Variants in PKD1 observed in about 807,000 individuals in gnomAD.
PKD1 encodes polycystin-1.
A neutral mutation model predicts 361.7 loss-of-function variants in PKD1; 81 were observed. That is an observed-to-expected ratio of 0.22 (90% CI 0.19 to 0.27). The LOEUF (loss-of-function observed/expected upper bound fraction) is 0.27. Among genes scored for constraint, PKD1 ranks in the 10% least tolerant of loss-of-function variants. The probability of loss-of-function intolerance (pLI) is 1.00; values close to 1 mark genes in which losing one functional copy is unlikely to be tolerated. For missense variants in PKD1, 6,399 were observed against 6,118.3 expected, an observed-to-expected ratio of 1.05 and a Z score of -1.53; for synonymous variants, 3,615 against 2,818.3, an observed-to-expected ratio of 1.28 and a Z score of -8.95.
rs1314810468 is a variant in PKD1, at chr16:2,110,914, G to C, written c.4253C>G (p.Thr1418Ser). The change falls in exon 15 of 46, where the codon ACC becomes AGC. Residue 1418 changes from threonine to serine, a missense_variant. Thr to Ser is a moderately conservative substitution (Grantham distance 58, BLOSUM62 1). Coordinates refer to ENST00000262304, the MANE Select transcript of PKD1 (RefSeq NM_001009944.3). ...FPYRYTWDFG[T>S]EEAAPTRARG... ...GGCACGGGTGGGGGCGGCTTCCTCG[G>C]TGCCAAAGTCCCAGGTGTAGCGGTA... The C allele has an allele frequency of 3.7e-6, 6 of 1,611,214 alleles. No homozygotes were observed. The Admixed American group carries it at 1.0e-4, about 27-fold the overall frequency.
At chr16:2,095,457 A>G (rs953303460) in intron 34 of PKD1, 1 of 152,248 alleles carries the variant, frequency 6.6e-6, no homozygotes, top group Admixed American at 6.5e-5. Flanking sequence ...CTATTCCTTT[A>G]TAGCAACACA....
At chr16:2,122,061 G>A (rs1355816057) in intron 1 of PKD1, among the ~76,000 whole-genome samples, 2 of 152,240 alleles carry the variant, frequency 1.3e-5, no homozygotes, top group African/African-American at 4.8e-5. Flanking sequence ...GGTGGGGCCC[G>A]GGGCCAGGGC....
rs2092599688 is a variant in PKD1 at position 2,114,666 on chromosome 16, G to A, written c.2357C>T (p.Pro786Leu). Residue 786 changes from proline (P) to leucine (L), a missense_variant, in exon 11 of 46, where the codon CCC (proline) becomes CTC (leucine). Pro to Leu is a moderately conservative substitution (Grantham distance 98). Coordinates refer to ENST00000262304, the MANE Select transcript of PKD1 (RefSeq NM_001009944.3). ...CCCAGGCAGCCGCAGTCCAGGGTTGGGCCTCAAGCCCAGCAGCACGGTGAG... is the reference window on the plus strand; with the variant it reads ...CCCAGGCAGCCGCAGTCCAGGGTTGAGCCTCAAGCCCAGCAGCACGGTGAG... ...EQLTVLLGLRPNPGLRLPGRY... is the reference protein window; with the variant it reads ...EQLTVLLGLRLNPGLRLPGRY... The A allele has an allele frequency of 6.5e-6, 10 of 1,549,064 alleles. No homozygotes were observed. The highest frequency in any genetic ancestry group is 8.7e-6 in the Non-Finnish European group (10 of 1,155,898).
intron 30 of PKD1, chr16:2,099,427 A>T (rs551196704): frequency 9.2e-6 from 6 of 653,382 alleles, no homozygotes; most frequent in Non-Finnish European, 1.7e-5. Context: ...TCTGCTTAGC[A>T]AAGTGCCCTC....
rs1381627935 is a variant in PKD1 at position 2,103,879 on chromosome 16, C to T, written c.8178G>A (p.Leu2726=). 2.5e-6 allele frequency: 4 copies of T among 1,581,276 alleles called. No homozygotes were observed. In the South Asian group the frequency reaches 3.4e-5, roughly 13 times the overall value. The change falls in exon 23 of 46, where the codon CTG becomes CTA. Residue 2726 remains leucine, a synonymous_variant. Transcript: ENST00000262304. ...GTGGTGCCCGCACGTCCGAGCTGGC[C>T]AGGTGGATGAGGTCTCCTGCAGACA... is the stretch of plus-strand genomic sequence containing the variant. ...ILNITGDLIH[L]ASSDVRAPQP...
Position 2,103,501 on chromosome 16 carries a change from T to C in PKD1, c.8556A>G (p.Ala2852=), listed in dbSNP as rs781249958. The change falls in exon 23 of 46, where the codon GCA becomes GCG. Residue 2852 remains alanine (A), a synonymous_variant. Transcript: ENST00000262304. The part of the protein sequence containing the change: ...YTVSTKVASM[A]FQTQAGAQIP... The stretch of plus-strand genomic sequence containing the variant: ...TCTGGGCGCCGGCCTGTGTCTGGAA[T>C]GCCATCGAGGCCACCTTGGTGGAGA... 115 of 1,604,014 alleles carry C rather than the reference T, an allele frequency of 7.2e-5. No individual in the cohort carries two copies. Among genetic ancestry groups the C allele is most frequent in the Non-Finnish European group, 9.1e-5 (107 of 1,179,644 alleles).
chr16:2,104,726 C>A (rs2092267393), intron 21 of PKD1, 84 bp from the exon 22 acceptor site: 3 of 775,130 alleles, frequency 3.9e-6, no homozygotes, highest in Non-Finnish European at 6.5e-6. Flanking sequence ...CCTCACCTGG[C>A]TCCCACCCCC....
At position 2,103,888 on chromosome 16, in the gene PKD1, G is replaced by T; in HGVS notation, c.8169C>A (p.Leu2723=). The T allele has an allele frequency of 3.2e-6, 5 of 1,584,718 alleles. No homozygotes were observed. The highest frequency in any genetic ancestry group is 3.4e-6 in the Non-Finnish European group (4 of 1,169,906). The stretch of plus-strand genomic sequence containing the variant: ...GCACGTCCGAGCTGGCCAGGTGGAT[G>T]AGGTCTCCTGCAGACATGCGTGAGG... ...GDSILNITGD[L]IHLASSDVRA... The change falls in exon 23 of 46, where the codon CTC becomes CTA. Residue 2723 remains leucine (L), a synonymous_variant. Coordinates refer to ENST00000262304, the MANE Select transcript of PKD1 (RefSeq NM_001009944.3).
Position 2,116,547 on chromosome 16 carries a change from G to C in PKD1, c.1704C>G (p.Ala568=). The C allele has an allele frequency of 6.4e-7, 1 of 1,551,096 alleles. No homozygotes were observed. Among genetic ancestry groups the C allele is most frequent in the Non-Finnish European group, 8.7e-7 (1 of 1,148,066 alleles). ...TPLAQQDGLS[A]PHEPVEVMVF... ...CGACTACCTCCACGGGCTCGTGCGG[G>C]GCTGAGAGGCCGTCCTGCTGTGCCA... The change falls in exon 8 of 46, where the codon GCC becomes GCG. Residue 568 remains alanine, a synonymous_variant. Transcript: ENST00000262304.
rs759346142 is a variant in PKD1 at position 2,109,175 on chromosome 16, G to A, written c.5992C>T (p.Arg1998Cys). The A allele has an allele frequency of 1.3e-5, 21 of 1,599,318 alleles. No individual in the cohort carries two copies. The highest frequency in any genetic ancestry group is 9.9e-5 in the South Asian group (9 of 90,850). ...TERNFTARVQRGSRVAYAWYF... is the reference protein window; with the variant it reads ...TERNFTARVQCGSRVAYAWYF... ...CAGGCGTAGGCGACCCGAGAGCCGC[G>A]CTGCACGCGGGCTGTGAAGTTCCTC... The change falls in exon 15 of 46, where the codon CGC becomes TGC. Residue 1998 changes from arginine to cysteine, a missense_variant. Arg to Cys is a radical substitution (Grantham distance 180, BLOSUM62 -3). Coordinates refer to ENST00000262304, the MANE Select transcript of PKD1 (RefSeq NM_001009944.3).
At position 2,102,654 on chromosome 16, in the gene PKD1, G is replaced by A. The variant is rs375509391; in HGVS notation, c.8949-21C>T. 1.3e-4 allele frequency: 209 copies of A among 1,610,762 alleles called. 1 individual carries two copies. Among genetic ancestry groups the A allele is most frequent in the East Asian group, 5.3e-4 (24 of 44,888 alleles). ...TGCTCCTGGGCAGGGAAGGGGTAGC[G>A]GACGTGAGCCCAGGCTCCGCCAGGT... is the stretch of plus-strand genomic sequence containing the variant. On this transcript the variant is annotated intron_variant, in intron 24 of 45. Coordinates refer to ENST00000262304, the MANE Select transcript of PKD1 (RefSeq NM_001009944.3).
chr16:2,099,809 G>A (rs1212464540), intron 29 of PKD1, 39 bp from the exon 30 acceptor site: 3 of 1,554,068 alleles, frequency 1.9e-6, no homozygotes, highest in Middle Eastern at 2.3e-4. Flanking sequence ...TGAGGCTGAG[G>A]GGCAGGAAGG....
rs746657260 is a variant in PKD1 at position 2,089,020 on chromosome 16, C to T, written c.*707G>A. The T allele has an allele frequency of 3.7e-5, 8 of 216,246 alleles. No homozygotes were observed. The highest frequency in any genetic ancestry group is 1.5e-4 in the South Asian group (2 of 12,974). 13.4% of individuals were successfully genotyped at this position (216,246 alleles called of 1,614,324 possible). A position where few individuals can be genotyped will look rare whatever the true frequency, so the allele number is the denominator to read the frequency against. The stretch of plus-strand genomic sequence containing the variant: ...CAGACCTGATGCCAGCAGGCCTGGG[C>T]GCTGCTCTCTTGCTACCTGGCCTGG... On this transcript the variant is annotated 3_prime_UTR_variant, in exon 46 of 46. Transcript: ENST00000262304.
Position 2,112,451 on chromosome 16 carries a change from G to C in PKD1, c.3184C>G (p.Gln1062Glu). 1.3e-6 allele frequency: 2 copies of C among 1,587,898 alleles called. No individual in the cohort carries two copies. Among genetic ancestry groups the C allele is most frequent in the Non-Finnish European group, 1.7e-6 (2 of 1,175,182 alleles). Residue 1062 changes from glutamine (Q) to glutamate (E), a missense_variant, in exon 14 of 46, where the codon CAG (glutamine) becomes GAG (glutamate). By Grantham distance (29) the Gln-to-Glu change is conservative (BLOSUM62 2). Transcript: ENST00000262304. ...AFLWTFGDGE[Q>E]ALHQFQPPYN... Reference sequence around the variant, plus strand: ...GGAGGCTGGAACTGGTGGAGGGCCTGCTCCCCATCCCCAAAGGTCCACCTG... The same window carrying C: ...GGAGGCTGGAACTGGTGGAGGGCCTCCTCCCCATCCCCAAAGGTCCACCTG...
rs765835269 is a variant in PKD1 at position 2,098,010 on chromosome 16, G to A, written c.10051-26C>T. Reference sequence around the variant, plus strand: ...CTGCAGGACGAGGGCAGTGGTCAGCGGGCGGCAGCTCAGACCTGCTCAGGA... The same window carrying A: ...CTGCAGGACGAGGGCAGTGGTCAGCAGGCGGCAGCTCAGACCTGCTCAGGA... On this transcript the variant is annotated intron_variant, in intron 30 of 45. Coordinates refer to ENST00000262304, the MANE Select transcript of PKD1 (RefSeq NM_001009944.3). 1.5e-4 allele frequency: 212 copies of A among 1,370,692 alleles called. 2 individuals are homozygous for A. The highest frequency in any genetic ancestry group is 2.5e-4 in the Middle Eastern group (1 of 4,018). The allele number at this position is 1,370,692 out of a possible 1,614,324, so 84.9% of individuals were successfully genotyped here. A position where few individuals can be genotyped will look rare whatever the true frequency, so the allele number is the denominator to read the frequency against.
rs149007676 is a variant in PKD1, at chr16:2,110,583, G to A, written c.4584C>T (p.Ala1528=). Residue 1528 remains alanine, a synonymous_variant, in exon 15 of 46, where the codon GCC becomes GCT. Transcript: ENST00000262304. ...NSTGDFTVRV[A]GWNEVSRSEA... is the part of the protein sequence containing the mutation. ...CGCTGCGGCTCACCTCATTCCAGCC[G>A]GCCACCCTAACGGTGAAGTCACCTG... The A allele has an allele frequency of 4.3e-5, 69 of 1,610,938 alleles. No individual in the cohort carries two copies. Among genetic ancestry groups the A allele is most frequent in the African/African-American group, 4.3e-4 (32 of 74,972 alleles).
At chr16:2,115,020 C>T in intron 10 of PKD1, 95 bp from the exon 11 acceptor site, 1 of 1,513,582 alleles carries the variant, frequency 6.6e-7, no homozygotes, top group South Asian at 1.2e-5. Flanking sequence ...GGGCTCCCCG[C>T]TTCGTCAGCC....
rs1269824526 is a variant in PKD1, at chr16:2,109,956, G to A, written c.5211C>T (p.Thr1737=). 31 of 1,609,934 alleles carry A rather than the reference G, an allele frequency of 1.9e-5. No homozygotes were observed. Among genetic ancestry groups the A allele is most frequent in the South Asian group, 4.4e-5 (4 of 90,916 alleles). Reference sequence around the variant, plus strand: ...TGCCACCAGCCAGCTCGGCACTGAGGGTGACGCTTGTGTTGACGGCAGCTG... The same window carrying A: ...TGCCACCAGCCAGCTCGGCACTGAGAGTGACGCTTGTGTTGACGGCAGCTG... ...PNPAAVNTSV[T]LSAELAGGSG... is the part of the protein sequence containing the mutation. The change falls in exon 15 of 46, where the codon ACC becomes ACT. Residue 1737 remains threonine (T), a synonymous_variant. Coordinates refer to ENST00000262304, the MANE Select transcript of PKD1 (RefSeq NM_001009944.3).
chr16:2,104,365 A>G, intron 22 of PKD1, 133 bp downstream of exon 22: 6 of 505,390 alleles, frequency 1.2e-5, no homozygotes, highest in South Asian at 1.1e-4. Context: ...GAGGGGGATG[A>G]GGATGGGAAT....
Sources: allele counts gnomAD v4.1 joint callset (sites outside exome capture counted in the v4.1 genomes callset), GRCh38; gene constraint gnomAD v4.1.1; transcripts MANE v1.5; gene names NCBI Gene and HGNC (gene_info 2026-07-23, HGNC 2026-07-21).